Variants in ANO3 observed in about 807,000 individuals in gnomAD.
ANO3 encodes the protein anoctamin-3.
In ANO3, 99 loss-of-function variants were observed where a neutral mutation model predicts 144.8. The ratio of observed to expected loss-of-function variants is 0.68; its 90% CI spans 0.58 to 0.81. ANO3 has a LOEUF of 0.81. ANO3 is among the 30% of genes least tolerant of loss of function. ANO3 has a pLI of 0.00. For synonymous variants in ANO3, 414 were observed against 392.6 expected, an observed-to-expected ratio of 1.05 and a Z score of -0.64; for missense variants, 905 against 1,202.2, an observed-to-expected ratio of 0.75 and a Z score of 3.66.
chr11:26,535,086 G>A (rs989581213), intron 9 of ANO3, among the ~76,000 whole-genome samples: 5 of 152,146 alleles, frequency 3.3e-5, no homozygotes, highest in African/African-American at 9.7e-5. Flanking sequence ...AATTGGTTAT[G>A]AGTTCGTTAT....
intron 14 of ANO3, among the ~76,000 whole-genome samples, chr11:26,577,707 A>C (rs576224453): frequency 6.6e-6 from 1 of 152,224 alleles, no homozygotes; most frequent in Non-Finnish European, 1.5e-5. Flanking sequence ...GTTAATGTGC[A>C]TGAGTACAAA....
chr11:26,643,611 C>T (rs1052813988), intron 23 of ANO3, among the ~76,000 whole-genome samples: 2 of 151,948 alleles, frequency 1.3e-5, no homozygotes, highest in South Asian at 2.1e-4. Context: ...CAAAATTAGC[C>T]GGGCATGGTG....
chr11:26,214,228 A>G (rs1435445018), intron 1 of ANO3, among the ~76,000 whole-genome samples: 2 of 151,914 alleles, frequency 1.3e-5, no homozygotes, highest in Non-Finnish European at 2.9e-5. Context: ...AAGGATACAT[A>G]TGTACTGATG....
chr11:26,402,258 C>T (rs1425714931), intron 1 of ANO3, among the ~76,000 whole-genome samples: 1 of 152,012 alleles, frequency 6.6e-6, no homozygotes, highest in African/African-American at 2.4e-5. Flanking sequence ...CTCCACCAAC[C>T]GTCCATAAGC....
At chr11:26,479,526 G>A (rs1860124332) in intron 4 of ANO3, among the ~76,000 whole-genome samples, 1 of 152,078 alleles carries the variant, frequency 6.6e-6, no homozygotes, top group African/African-American at 2.4e-5. Flanking sequence ...CAGAGAGTTT[G>A]GGCAGGGGAA....
At chr11:26,389,410 ATAAC>A (rs1297281937) in intron 1 of ANO3, among the ~76,000 whole-genome samples, 1 of 152,082 alleles carries the variant, frequency 6.6e-6, no homozygotes, top group East Asian at 1.9e-4. Flanking sequence ...CTGAGTGACT[ATAAC>A]TAAGTAACTA....
At chr11:26,202,103 T>C (rs1851705101) in intron 1 of ANO3, among the ~76,000 whole-genome samples, 1 of 151,000 alleles carries the variant, frequency 6.6e-6, no homozygotes, top group African/African-American at 2.4e-5. Flanking sequence ...AAGATATTAA[T>C]TAGTTAGGTT....
chr11:26,215,783 T>C (rs1452434795), intron 1 of ANO3, among the ~76,000 whole-genome samples: 1 of 152,000 alleles, frequency 6.6e-6, no homozygotes, highest in Non-Finnish European at 1.5e-5. Context: ...TTAATACTGA[T>C]GTACCGGACT....
At chr11:26,286,763 G>A (rs1853817108) in intron 1 of ANO3, among the ~76,000 whole-genome samples, 1 of 152,090 alleles carries the variant, frequency 6.6e-6, no homozygotes, top group Non-Finnish European at 1.5e-5. Flanking sequence ...TCAAATGCAG[G>A]GGTTCTTTCT....
At chr11:26,563,523 T>A (rs867350022) in intron 14 of ANO3, among the ~76,000 whole-genome samples, 15 of 151,908 alleles carry the variant, frequency 9.9e-5, no homozygotes, top group Middle Eastern at 6.8e-3. Flanking sequence ...TACTTCTAAG[T>A]CTTAGCTCTA....
chr11:26,660,399 A>G lies in ANO3; in HGVS notation c.2901A>G (p.Gln967=). 2 of 1,613,050 alleles carry G rather than the reference A, an allele frequency of 1.2e-6. No homozygotes were observed. The highest frequency in any genetic ancestry group is 1.7e-6 in the Non-Finnish European group (2 of 1,179,448). Residue 967 remains glutamine, a synonymous_variant, in exon 27 of 27, where the codon CAA becomes CAG. Coordinates refer to ENST00000256737, the MANE Select transcript of ANO3 (RefSeq NM_031418.4). Reference sequence around the variant, plus strand: ...AGGCTGAACTGGAACATTTGCAACAACAACGGAGAAAAAGTGGTCAGCCTG... The same window carrying G: ...AGGCTGAACTGGAACATTTGCAACAGCAACGGAGAAAAAGTGGTCAGCCTG... The part of the protein sequence containing the change: ...MYEAELEHLQ[Q]QRRKSGQPVH...
At chr11:26,568,347 C>T (rs376496126) in intron 14 of ANO3, among the ~76,000 whole-genome samples, 34 of 151,990 alleles carry the variant, frequency 2.2e-4, no homozygotes, top group African/African-American at 6.7e-4. Context: ...ACTGAGAGAT[C>T]GGATTTGGAT....
chr11:26,559,835 TACACACACACAC>T (rs71047866), intron 14 of ANO3, 56 bp downstream of exon 14: 1,064 of 661,392 alleles, frequency 1.6e-3, no homozygotes, highest in Non-Finnish European at 2.0e-3. Flanking sequence ...GTTTCTGTGT[TACACACACACAC>T]ACACACACAC....
At chr11:26,324,062 G>A (rs1398162038) in intron 1 of ANO3, among the ~76,000 whole-genome samples, 4 of 152,164 alleles carry the variant, frequency 2.6e-5, no homozygotes, top group South Asian at 4.1e-4. Context: ...TCAGAGCTTG[G>A]TAGATAAGAA....
At chr11:26,239,269 G>C (rs1407555642) in intron 1 of ANO3, among the ~76,000 whole-genome samples, 1 of 152,046 alleles carries the variant, frequency 6.6e-6, no homozygotes, top group Non-Finnish European at 1.5e-5. Context: ...ATTCATGTGG[G>C]ACAGCAAGCT....
At chr11:26,421,312 A>G (rs112094245) in intron 1 of ANO3, among the ~76,000 whole-genome samples, 704 of 152,200 alleles carry the variant, frequency 4.6e-3, no homozygotes, top group African/African-American at 0.016. Context: ...AGCTATAATG[A>G]TTTTGACAAG....
Position 26,479,505 on chromosome 11 carries a change from G to A in ANO3, c.432+16357G>A, listed in dbSNP as rs192385350. ...AATGAGGAGCAAAGTCACATCTTGC[G>A]TGGGGGCAGGCAGAGAGTTTGGGCA... is the stretch of plus-strand genomic sequence containing the variant. On this transcript the variant is annotated intron_variant, in intron 4 of 26. Transcript: ENST00000256737. 3.5e-3 allele frequency among the ~76,000 whole-genome samples: 533 copies of A among 152,218 alleles called. 3 individuals carry two copies. Among genetic ancestry groups the A allele is most frequent in the African/African-American group, 0.012 (511 of 41,538 alleles).
intron 18 of ANO3, among the ~76,000 whole-genome samples, chr11:26,626,233 TC>T (rs763820427): frequency 2.0e-5 from 3 of 150,656 alleles, no homozygotes; most frequent in Non-Finnish European, 4.4e-5. Flanking sequence ...ACTTAGTGCA[TC>T]CCATCAATAT....
intron 14 of ANO3, among the ~76,000 whole-genome samples, chr11:26,577,639 A>C (rs1404754815): frequency 6.6e-6 from 1 of 152,096 alleles, no homozygotes; most frequent in African/African-American, 2.4e-5. Context: ...CAAAGTTAGT[A>C]ATCATTAATA....
Sources: allele counts gnomAD v4.1 joint callset (sites outside exome capture counted in the v4.1 genomes callset), GRCh38; gene constraint gnomAD v4.1.1; transcripts MANE v1.5; gene names NCBI Gene and HGNC (gene_info 2026-07-23, HGNC 2026-07-21).